Variants in ZNF451 observed in about 807,000 individuals in gnomAD.
The protein encoded by ZNF451 is E3 SUMO-protein ligase ZNF451.
Under a neutral mutation model 107.1 loss-of-function variants are expected in ZNF451, and 80 were observed. The ratio of observed to expected loss-of-function variants is 0.75; its 90% CI spans 0.62 to 0.90. The LOEUF (loss-of-function observed/expected upper bound fraction) is 0.90. Among genes scored for constraint, ZNF451 ranks in the 40% least tolerant of loss-of-function variants. The pLI is 0.00. For missense variants in ZNF451, 1,107 were observed against 1,236.2 expected (o/e 0.90, Z 1.57); for synonymous variants, 362 against 406.5 (o/e 0.89, Z 1.32).
In ZNF451 at chr6:57,147,078, T is replaced by TA. The variant is rs765801277; in HGVS notation, c.1005-11dup. 1.9e-6 allele frequency: 3 copies of TA among 1,565,324 alleles called. No individual in the cohort carries two copies. Among genetic ancestry groups the TA allele is most frequent in the South Asian group, 1.2e-5 (1 of 83,308 alleles). On this transcript the variant is annotated splice_polypyrimidine_tract_variant and intron_variant, in intron 9 of 14. Transcript: ENST00000370706. The stretch of plus-strand genomic sequence containing the variant: ...TTCTGAAAGACTTTCTATTTCTTTT[T>TA]ATCTAATTTAGAGTTCATTGTCGAA...
intron 4 of ZNF451, 138 bp from the exon 5 acceptor site, chr6:57,128,591 T>A (rs1831036981): frequency 3.2e-6 from 2 of 618,066 alleles, no homozygotes; most frequent in Non-Finnish European, 5.6e-6. Flanking sequence ...TTGATGTATT[T>A]CTTTGTCATA....
rs568497878 is a variant in ZNF451 at position 57,103,704 on chromosome 6, C to G, written c.186+4563C>G. ...TTCTGCGTTTTTTCATCTGCTTGAT[C>G]AAGGCATTTTGGATGTACTGCTAAT... is the stretch of plus-strand genomic sequence containing the variant. On this transcript the variant is annotated intron_variant, in intron 3 of 14. Coordinates refer to ENST00000370706, the MANE Select transcript of ZNF451 (RefSeq NM_001031623.3). 7 of 985,238 alleles carry G rather than the reference C, an allele frequency of 7.1e-6. No homozygotes were observed. In the African/African-American group the frequency reaches 8.7e-5, roughly 12 times the overall value. The allele number at this position is 985,238 out of a possible 1,614,324, so 61.0% of individuals were successfully genotyped here. A position where few individuals can be genotyped will look rare whatever the true frequency, so the allele number is the denominator to read the frequency against.
At chr6:57,103,063 C>G (rs1472041986) in intron 3 of ZNF451, 1 of 985,266 alleles carries the variant, frequency 1.0e-6, no homozygotes, top group Non-Finnish European at 1.2e-6. Flanking sequence ...GCATCACACT[C>G]TAAATACAAA....
rs1010096802 is a variant in ZNF451, at chr6:57,168,548, G to T, written c.*79G>T. 3.6e-6 allele frequency: 4 copies of T among 1,123,558 alleles called. No individual in the cohort carries two copies. The highest frequency in any genetic ancestry group is 1.4e-5 in the South Asian group (1 of 73,674). The allele number at this position is 1,123,558 out of a possible 1,614,324, so 69.6% of individuals were successfully genotyped here. The stretch of plus-strand genomic sequence containing the variant: ...ATTCTTGAGTTTGTTTTCTAAAGGA[G>T]ACCAGAAATCCACTATTACAAATGT... On this transcript the variant is annotated 3_prime_UTR_variant, in exon 15 of 15. Coordinates refer to ENST00000370706, the MANE Select transcript of ZNF451 (RefSeq NM_001031623.3).
chr6:57,119,790 T>C (rs570851673), intron 3 of ZNF451, among the ~76,000 whole-genome samples: 2 of 152,262 alleles, frequency 1.3e-5, no homozygotes, highest in South Asian at 2.1e-4. Context: ...AGATATACTT[T>C]CTATTTCTTT....
Position 57,141,304 on chromosome 6 carries a change from A to G in ZNF451, c.705A>G (p.Glu235=). ...TACAGCTTTGTCTTATATTTTAGGAAGCCACAGATGATGGACATAACAACA... is the reference window on the plus strand; with the variant it reads ...TACAGCTTTGTCTTATATTTTAGGAGGCCACAGATGATGGACATAACAACA... ...QQYRDHLFDK[E]ATDDGHNNNL... The change falls in exon 8 of 15, where the codon GAA becomes GAG. Residue 235 remains glutamate, a splice_region_variant and synonymous_variant. Transcript: ENST00000370706. The G allele has an allele frequency of 6.2e-7, 1 of 1,600,644 alleles. No homozygotes were observed. The highest frequency in any genetic ancestry group is 8.5e-7 in the Non-Finnish European group (1 of 1,172,528).
Position 57,109,600 on chromosome 6 carries a change from A to G in ZNF451, c.186+10459A>G, listed in dbSNP as rs375390096. On this transcript the variant is annotated intron_variant, in intron 3 of 14. Coordinates refer to ENST00000370706, the MANE Select transcript of ZNF451 (RefSeq NM_001031623.3). ...TACATACATTTTAAAATGTTATTTA[A>G]CAGCATGTAAATGTTCATTTCATGC... The G allele has an allele frequency of 3.7e-5, 36 of 985,376 alleles. No homozygotes were observed. The East Asian group carries it at 3.3e-3, about 90-fold the overall frequency. 61.0% of individuals were successfully genotyped at this position (985,376 alleles called of 1,614,324 possible). A position where few individuals can be genotyped will look rare whatever the true frequency, so the allele number is the denominator to read the frequency against.
chr6:57,106,882 T>C (rs1010320536), intron 3 of ZNF451: 1 of 960,694 alleles, frequency 1.0e-6, no homozygotes, highest in Admixed American at 6.2e-5. Context: ...GATTATTGTA[T>C]TGAATGCAAA....
chr6:57,161,819 A>C (rs564372289), intron 14 of ZNF451, among the ~76,000 whole-genome samples: 34 of 152,158 alleles, frequency 2.2e-4, no homozygotes, highest in Non-Finnish European at 3.7e-4. Flanking sequence ...CCCAGCCTCC[A>C]CAGTAGCTGG....
intron 13 of ZNF451, among the ~76,000 whole-genome samples, chr6:57,155,676 GC>G (rs750426953): frequency 2.6e-5 from 4 of 152,078 alleles, no homozygotes; most frequent in Non-Finnish European, 5.9e-5. Flanking sequence ...TTATGGTTTT[GC>G]AGAGGCAAAA....
chr6:57,151,993 C>T (rs944245603), intron 11 of ZNF451: 7 of 420,250 alleles, frequency 1.7e-5, no homozygotes, highest in Non-Finnish European at 2.5e-5. Flanking sequence ...GCCTAATATC[C>T]ATGTGAGTTT....
chr6:57,107,977 T>C, intron 3 of ZNF451: 1 of 483,362 alleles, frequency 2.1e-6, no homozygotes, highest in Non-Finnish European at 2.7e-6. Flanking sequence ...TAGCTGGGAC[T>C]ACAGGCGCCC....
At position 57,161,086 on chromosome 6, in the gene ZNF451, T is replaced by C. The variant is rs1763652173; in HGVS notation, c.3073T>C (p.Cys1025Arg). 1.3e-6 allele frequency: 2 copies of C among 1,551,856 alleles called. No individual in the cohort carries two copies. Among genetic ancestry groups the C allele is most frequent in the South Asian group, 1.3e-5 (1 of 79,978 alleles). Residue 1025 changes from cysteine to arginine, a missense_variant and splice_region_variant, in exon 14 of 15, where the codon TGT becomes CGT. This residue lies in a region of ZNF451 where 151 missense variants were observed against 173.3 expected (regional missense o/e 0.87). Coordinates refer to ENST00000370706, the MANE Select transcript of ZNF451 (RefSeq NM_001031623.3). ...CATGTATTGATTCTTCTTTACAGAA[T>C]GTGACAGTGATGATAACATGGGTGC... ...LNSISDTTKECDSDDNMGAKN... is the reference protein window; with the variant it reads ...LNSISDTTKERDSDDNMGAKN...
chr6:57,155,450 C>T (rs753301513), intron 13 of ZNF451, among the ~76,000 whole-genome samples: 6 of 152,178 alleles, frequency 3.9e-5, no homozygotes, highest in Non-Finnish European at 7.4e-5. Context: ...TGCACCATTG[C>T]GCTCCAGCCT....
intron 3 of ZNF451, among the ~76,000 whole-genome samples, chr6:57,119,405 A>G (rs577722628): frequency 6.6e-6 from 1 of 152,014 alleles, no homozygotes. Flanking sequence ...CGCGCCTGCA[A>G]TCTCAGCTAC....
intron 3 of ZNF451, chr6:57,107,011 A>G (rs1829893036): frequency 3.0e-5 from 28 of 939,896 alleles, no homozygotes; most frequent in Non-Finnish European, 3.6e-5. Flanking sequence ...TTATTAGTGG[A>G]ATATTTTTTA....
intron 14 of ZNF451, among the ~76,000 whole-genome samples, chr6:57,163,151 C>G (rs890611256): frequency 2.0e-5 from 3 of 152,088 alleles, no homozygotes; most frequent in African/African-American, 7.2e-5. Flanking sequence ...AGAGCTAACT[C>G]GAATTTTATC....
At chr6:57,109,349 G>A in intron 3 of ZNF451, 1 of 985,122 alleles carries the variant, frequency 1.0e-6, no homozygotes, top group African/African-American at 1.7e-5. Flanking sequence ...TTTAATGGAA[G>A]GAAAAAGGAA....
At chr6:57,141,513 C>G (rs1383549134) in intron 8 of ZNF451, 58 bp downstream of exon 8, 1 of 1,461,602 alleles carries the variant, frequency 6.8e-7, no homozygotes, top group East Asian at 2.3e-5. Context: ...GCTGATTTAT[C>G]ATACTTCTCA....
Sources: gnomAD v4.1 joint callset for allele counts (sites outside exome capture counted in the v4.1 genomes callset) on GRCh38, gnomAD v4.1.1 for gene constraint, gnomAD v4.1.1 regional missense constraint, MANE v1.5 for transcripts, NCBI Gene and HGNC (gene_info 2026-07-23, HGNC 2026-07-21) for gene names.